GBA1: variants seen among roughly 807,000 people sequenced by gnomAD.
GBA1 encodes the protein lysosomal acid glucosylceramidase.
At chr1:155,243,408 C>T in the GBA1 span, among the ~76,000 whole-genome samples, 1 of 152,092 alleles carries the variant, frequency 6.6e-6, no homozygotes, top group Non-Finnish European at 1.5e-5. Context: ...GTCCAAACAT[C>T]TCCTTCCACT....
At chr1:155,240,676 G>T in the GBA1 span, 2 of 1,613,690 alleles carry the variant, frequency 1.2e-6, no homozygotes, top group Non-Finnish European at 1.7e-6. Context: ...CTGTGAGGCT[G>T]CCAGCCATGA....
the GBA1 span, chr1:155,238,138 C>A: frequency 1.2e-6 from 2 of 1,614,160 alleles, no homozygotes; most frequent in Non-Finnish European, 1.7e-6. Context: ...CCTTACTTCA[C>A]AAAGTATCTG....
chr1:155,236,447 G>A, the GBA1 span: 3 of 1,614,172 alleles, frequency 1.9e-6, no homozygotes, highest in Non-Finnish European at 2.5e-6. Context: ...AACATATTTA[G>A]CTGCTTCTGG....
chr1:155,238,215 T>C, the GBA1 span: 100 of 1,612,400 alleles, frequency 6.2e-5, no homozygotes, highest in African/African-American at 2.0e-4. Flanking sequence ...CACCGCTCCA[T>C]TGGTCTTGAG....
the GBA1 span, chr1:155,235,414 G>A: frequency 6.4e-7 from 1 of 1,558,126 alleles, no homozygotes; most frequent in African/African-American, 1.4e-5. Flanking sequence ...CTCCTGCAGA[G>A]GCTCTGCCCT....
the GBA1 span, chr1:155,237,465 G>A: frequency 6.2e-7 from 1 of 1,613,990 alleles, no homozygotes; most frequent in Non-Finnish European, 8.5e-7. Flanking sequence ...CTGATGTTCA[G>A]GGGTGAAGCC....
At chr1:155,241,081 C>G in the GBA1 span, 1 of 1,613,414 alleles carries the variant, frequency 6.2e-7, no homozygotes, top group Non-Finnish European at 8.5e-7. Context: ...AGCTCTCTCT[C>G]TTACCTCTCT....
chr1:155,237,774 C>T, the GBA1 span, among the ~76,000 whole-genome samples: 10 of 151,840 alleles, frequency 6.6e-5, no homozygotes, highest in Non-Finnish European at 1.2e-4. Context: ...TGGTGGCAGG[C>T]GCCTATAATC....
the GBA1 span, chr1:155,235,478 C>T: frequency 8.6e-5 from 91 of 1,052,970 alleles, 1 homozygote; most frequent in African/African-American, 1.2e-3. Flanking sequence ...TTTTCTGCAT[C>T]GCAGTCCAGC....
the GBA1 span, chr1:155,236,534 T>A: frequency 1.1e-5 from 14 of 1,315,986 alleles, no homozygotes; most frequent in South Asian, 1.7e-4. Flanking sequence ...TAGTTCCTGT[T>A]GTAGGAATCC....
chr1:155,241,199 G>T, the GBA1 span: 2 of 1,309,586 alleles, frequency 1.5e-6, no homozygotes, highest in Non-Finnish European at 2.2e-6. Context: ...AAACAAGGAT[G>T]CAGGTACCTG....
chr1:155,239,858 C>T, the GBA1 span: 5 of 1,613,978 alleles, frequency 3.1e-6, 1 homozygote, highest in South Asian at 3.3e-5. Context: ...CCCAGCCTGG[C>T]CCAGGGGGTG....
the GBA1 span, among the ~76,000 whole-genome samples, chr1:155,243,906 C>A: frequency 2.0e-5 from 3 of 152,020 alleles, no homozygotes; most frequent in Admixed American, 1.3e-4. Flanking sequence ...TCCTGGCACC[C>A]ATCTGCAGCT....
At chr1:155,237,081 G>C in the GBA1 span, among the ~76,000 whole-genome samples, 2 of 152,090 alleles carry the variant, frequency 1.3e-5, no homozygotes, top group South Asian at 4.2e-4. Context: ...ACGTTGGCCA[G>C]GGTGGTCTTA....
chr1:155,237,200 A>G, the GBA1 span: 1 of 1,507,490 alleles, frequency 6.6e-7, no homozygotes, highest in East Asian at 2.4e-5. Context: ...CAACTGTGGG[A>G]TCCATGGCAC....
At chr1:155,241,136 A>G in the GBA1 span, 1 of 1,612,664 alleles carries the variant, frequency 6.2e-7, no homozygotes, top group East Asian at 2.2e-5. Flanking sequence ...TTAGATGAAG[A>G]GAAGACCACA....
the GBA1 span, chr1:155,240,649 C>G: frequency 2.4e-5 from 38 of 1,613,560 alleles, no homozygotes; most frequent in Non-Finnish European, 3.1e-5. Flanking sequence ...ACGACACTGC[C>G]TGAAGTAGAA....
At chr1:155,239,400 G>A in the GBA1 span, among the ~76,000 whole-genome samples, 10 of 151,824 alleles carry the variant, frequency 6.6e-5, no homozygotes, top group Admixed American at 5.2e-4. Flanking sequence ...TGGTAGTGGC[G>A]CACGCCTATA....
the GBA1 span, chr1:155,241,152 T>C: frequency 6.2e-7 from 1 of 1,603,180 alleles, no homozygotes; most frequent in Non-Finnish European, 8.5e-7. Flanking sequence ...CCACAGGGGT[T>C]CCAGAGTCTC....
Sources: gnomAD v4.1 joint callset for allele counts (sites outside exome capture counted in the v4.1 genomes callset) on GRCh38, gnomAD v4.1.1 for gene constraint, MANE v1.5 for transcripts, NCBI Gene and HGNC (gene_info 2026-07-23, HGNC 2026-07-21) for gene names.